SORBS2: variants seen among roughly 807,000 people sequenced by gnomAD.
SORBS2 encodes sorbin and SH3 domain-containing protein 2.
In SORBS2, 46 loss-of-function variants were observed where a neutral mutation model predicts 97.7. The ratio of observed to expected loss-of-function variants is 0.47; its 90% CI spans 0.37 to 0.60. SORBS2 has a LOEUF of 0.60. Among genes scored for constraint, SORBS2 ranks in the 20% least tolerant of loss-of-function variants. The pLI is 0.00. For synonymous variants in SORBS2, 476 were observed against 473.4 expected (o/e 1.01, Z -0.07); for missense variants, 1,316 against 1,282.3 (o/e 1.03, Z -0.40).
At chr4:185,904,819 A>C (rs549463421) in intron 1 of SORBS2, among the ~76,000 whole-genome samples, 60 of 152,302 alleles carry the variant, frequency 3.9e-4, no homozygotes, top group African/African-American at 1.4e-3. Context: ...GGGTAAAAGA[A>C]ATAGGCCGGG....
chr4:185,772,218 T>A (rs1484545229), intron 2 of SORBS2: 2 of 152,054 alleles, frequency 1.3e-5, no homozygotes, highest in African/African-American at 4.8e-5. Flanking sequence ...CCGGGGACCA[T>A]CTGACCGTTC....
intron 1 of SORBS2, among the ~76,000 whole-genome samples, chr4:185,942,311 A>T (rs1166899983): frequency 1.3e-5 from 2 of 152,030 alleles, no homozygotes; most frequent in Non-Finnish European, 2.9e-5. Flanking sequence ...CTCAAATCGA[A>T]CAGGACCTTC....
intron 1 of SORBS2, among the ~76,000 whole-genome samples, chr4:185,876,374 C>T (rs761537293): frequency 2.6e-5 from 4 of 152,134 alleles, no homozygotes; most frequent in Non-Finnish European, 5.9e-5. Flanking sequence ...TCCCAAAGTG[C>T]TGGGATTACA....
chr4:185,649,524 G>A lies in SORBS2; in HGVS notation c.224C>T (p.Pro75Leu), dbSNP rs113864748. ...CGGCGGGACTGGAGGTGGAACATGTGGGGGAGGCACTGGGGAGGACGCATC... is the reference window on the plus strand; with the variant it reads ...CGGCGGGACTGGAGGTGGAACATGTAGGGGAGGCACTGGGGAGGACGCATC... Residue 75 changes from proline to leucine, a missense_variant, in exon 3 of 15, where the codon CCA becomes CTA. Coordinates refer to ENST00000418609, the Ensembl canonical transcript of SORBS2. The A allele has an allele frequency of 2.4e-5, 39 of 1,603,886 alleles. No individual in the cohort carries two copies. Among genetic ancestry groups the A allele is most frequent in the Admixed American group, 3.4e-5 (2 of 58,644 alleles).
At chr4:185,666,451 T>C (rs1391690268) in intron 4 of SORBS2, among the ~76,000 whole-genome samples, 1 of 152,174 alleles carries the variant, frequency 6.6e-6, no homozygotes, top group Non-Finnish European at 1.5e-5. Context: ...TAATTCTGGT[T>C]AGGGGCTTGA....
At chr4:185,658,634 A>G (rs985397175), upstream of SORBS2, among the ~76,000 whole-genome samples, 11 of 151,574 alleles carry the variant, frequency 7.3e-5, no homozygotes, top group Non-Finnish European at 1.6e-4. Flanking sequence ...TTATGTGTAT[A>G]TGATATATAT....
chr4:185,904,275 C>T (rs980637270), intron 1 of SORBS2, among the ~76,000 whole-genome samples: 1 of 152,182 alleles, frequency 6.6e-6, no homozygotes, highest in African/African-American at 2.4e-5. Flanking sequence ...GAAGGAACGT[C>T]ACAGGATTGG....
chr4:185,832,189 G>T (rs541643235), intron 1 of SORBS2, among the ~76,000 whole-genome samples: 1 of 152,220 alleles, frequency 6.6e-6, no homozygotes, highest in African/African-American at 2.4e-5. Flanking sequence ...TCATGTTATA[G>T]GTAGACATTC....
intron 1 of SORBS2, among the ~76,000 whole-genome samples, chr4:185,915,107 A>G (rs2099257371): frequency 1.3e-5 from 2 of 152,326 alleles, no homozygotes; most frequent in South Asian, 4.1e-4. Flanking sequence ...GACCAAGGTC[A>G]CTCATACCAC....
At chr4:185,789,565 A>G (rs575049734) in intron 1 of SORBS2, among the ~76,000 whole-genome samples, 119 of 150,824 alleles carry the variant, frequency 7.9e-4, no homozygotes, top group African/African-American at 2.8e-3. Context: ...ATTAAATATA[A>G]TTTCTTATAA....
intron 2 of SORBS2, among the ~76,000 whole-genome samples, chr4:185,706,944 C>T (rs1289682693): frequency 6.6e-6 from 1 of 152,046 alleles, no homozygotes; most frequent in Non-Finnish European, 1.5e-5. Context: ...TAGATTTTTG[C>T]TATATTGGAG....
chr4:185,811,367 C>T (rs1366852246), intron 1 of SORBS2, among the ~76,000 whole-genome samples: 1 of 152,182 alleles, frequency 6.6e-6, no homozygotes, highest in Non-Finnish European at 1.5e-5. Context: ...ATGTTGTTGG[C>T]TGTGAGGACG....
At chr4:185,822,803 C>T (rs2099197556) in intron 1 of SORBS2, among the ~76,000 whole-genome samples, 1 of 152,116 alleles carries the variant, frequency 6.6e-6, no homozygotes, top group African/African-American at 2.4e-5. Flanking sequence ...AGAGTGCGCT[C>T]AGCATTCTGA....
chr4:185,745,050 C>G (rs759332882), intron 2 of SORBS2, among the ~76,000 whole-genome samples: 3 of 152,182 alleles, frequency 2.0e-5, no homozygotes, highest in Non-Finnish European at 4.4e-5. Flanking sequence ...TGGGCCGGCT[C>G]AGGGATGGAC....
At chr4:185,846,156 A>G (rs1162907034) in intron 1 of SORBS2, among the ~76,000 whole-genome samples, 1 of 152,232 alleles carries the variant, frequency 6.6e-6, no homozygotes, top group Admixed American at 6.5e-5. Flanking sequence ...ACAAATGTCC[A>G]TCACCTGGAG....
chr4:185,664,372 C>A (rs28540516), intron 4 of SORBS2, among the ~76,000 whole-genome samples: 14,916 of 152,194 alleles, frequency 0.098, 1,503 homozygotes, highest in East Asian at 0.28. Context: ...CAGTTAGTCT[C>A]CTGTAAAGTC....
At chr4:185,908,161 C>G (rs1579427495) in intron 1 of SORBS2, among the ~76,000 whole-genome samples, 1 of 151,392 alleles carries the variant, frequency 6.6e-6, no homozygotes, top group Admixed American at 6.6e-5. Flanking sequence ...TTCTCAAGAA[C>G]CAACTTCCTA....
At chr4:185,680,535 G>A (rs555525816) in intron 2 of SORBS2, among the ~76,000 whole-genome samples, 1 of 152,256 alleles carries the variant, frequency 6.6e-6, no homozygotes, top group South Asian at 2.1e-4. Flanking sequence ...TTTGGAATTT[G>A]GGAAAAAGCA....
chr4:185,846,944 A>G (rs1479082761), intron 1 of SORBS2, among the ~76,000 whole-genome samples: 1 of 152,200 alleles, frequency 6.6e-6, no homozygotes, highest in African/African-American at 2.4e-5. Flanking sequence ...AAAGGAAAGA[A>G]TGATAACACC....
Sources: allele counts gnomAD v4.1 joint callset (sites outside exome capture counted in the v4.1 genomes callset), GRCh38; gene constraint gnomAD v4.1.1; transcripts MANE v1.5; gene names NCBI Gene and HGNC (gene_info 2026-07-23, HGNC 2026-07-21).